APC2: variants seen among roughly 807,000 people sequenced by gnomAD.
APC2 encodes APC regulator of Wnt signaling pathway 2, also known as adenomatous polyposis coli protein 2.
In APC2, 41 loss-of-function variants were observed where a neutral mutation model predicts 72.5. That is an observed-to-expected ratio of 0.57 (90% CI 0.44 to 0.73). APC2 has a LOEUF of 0.73. APC2 is among the 30% of genes least tolerant of loss of function. The pLI is 0.00. For missense variants in APC2, 3,729 were observed against 3,403.4 expected (o/e 1.10, Z -2.38); for synonymous variants, 1,898 against 1,612.0 (o/e 1.18, Z -4.25).
chr19:1,450,755 C>T (rs1401883168), intron 1 of APC2, among the ~76,000 whole-genome samples: 1 of 152,208 alleles, frequency 6.6e-6, no homozygotes, highest in Non-Finnish European at 1.5e-5. Context: ...AGACCAGCCC[C>T]CAGTCATGGT....
chr19:1,457,956 T>G lies in APC2; in HGVS notation c.1208-9T>G, dbSNP rs750288797. The G allele has an allele frequency of 6.5e-7, 1 of 1,547,664 alleles. No individual in the cohort carries two copies. The highest frequency in any genetic ancestry group is 1.2e-5 in the South Asian group (1 of 84,114). On this transcript the variant is annotated splice_polypyrimidine_tract_variant and intron_variant, in intron 9 of 14. Transcript: ENST00000590469. ...AATGGGGGCTCTGATCTGGTCCCTGTGCCCACAGCCCCGATCCCCATCGAG... is the reference window on the plus strand; with the variant it reads ...AATGGGGGCTCTGATCTGGTCCCTGGGCCCACAGCCCCGATCCCCATCGAG...
At position 1,469,538 on chromosome 19, in the gene APC2, G is replaced by A. The variant is rs1457219848; in HGVS notation, c.6237G>A (p.Glu2079=). The change falls in exon 15 of 15, where the codon GAG becomes GAA. Residue 2079 remains glutamate, a synonymous_variant. Coordinates refer to ENST00000590469, the MANE Select transcript of APC2 (RefSeq NM_005883.3). ...GCCCTGCCCGGCGCACCACCTCCGA[G>A]AGCCCGTCCCGCCTGCCTGTGCGCG... is the stretch of plus-strand genomic sequence containing the variant. ...GERPARRTTS[E]SPSRLPVRAP... is the part of the protein sequence containing the mutation. 2 of 1,205,768 alleles carry A rather than the reference G, an allele frequency of 1.7e-6. No individual in the cohort carries two copies. The highest frequency in any genetic ancestry group is 1.2e-4 in the East Asian group (2 of 16,336). 74.7% of individuals were successfully genotyped at this position (1,205,768 alleles called of 1,614,324 possible). A position where few individuals can be genotyped will look rare whatever the true frequency, so the allele number is the denominator to read the frequency against.
Position 1,465,317 on chromosome 19 carries a change from G to A in APC2, c.2016G>A (p.Leu672=), listed in dbSNP as rs2145229579. The A allele has an allele frequency of 6.3e-7, 1 of 1,596,034 alleles. No individual in the cohort carries two copies. The highest frequency in any genetic ancestry group is 8.5e-7 in the Non-Finnish European group (1 of 1,176,678). The change falls in exon 15 of 15, where the codon CTG becomes CTA. Residue 672 remains leucine (L), a synonymous_variant. Coordinates refer to ENST00000590469, the MANE Select transcript of APC2 (RefSeq NM_005883.3). ...LLWDLGAVGM[L]RNLVHSKHKM... The stretch of plus-strand genomic sequence containing the variant: ...GGGACCTGGGCGCCGTGGGCATGCT[G>A]CGTAATCTGGTGCACTCCAAGCACA...
At chr19:1,453,762 C>T in intron 4 of APC2, 151 bp downstream of exon 4, 1 of 1,117,618 alleles carries the variant, frequency 8.9e-7, no homozygotes, top group African/African-American at 1.6e-5. Context: ...CCGAACAACC[C>T]CGCCCACCTC....
Position 1,469,460 on chromosome 19 carries a change from C to G in APC2, c.6159C>G (p.Gly2053=). The G allele has an allele frequency of 8.8e-7, 1 of 1,130,410 alleles. No homozygotes were observed. The highest frequency in any genetic ancestry group is 5.4e-5 in the East Asian group (1 of 18,660). 70.0% of individuals were successfully genotyped at this position (1,130,410 alleles called of 1,614,324 possible). ...AGCTCCGAGCGGCACCCCGGCAGGG[C>G]CCGGCCCCGGCCCGGCAGCGGCCCC... The part of the protein sequence containing the change: ...CEELRAAPRQ[G]PAPARQRPPA... Residue 2053 remains glycine, a synonymous_variant, in exon 15 of 15, where the codon GGC becomes GGG. Transcript: ENST00000590469.
upstream of APC2, among the ~76,000 whole-genome samples, chr19:1,447,494 C>T (rs1234254476): frequency 1.3e-5 from 2 of 152,110 alleles, no homozygotes; most frequent in African/African-American, 4.8e-5. Context: ...GAGCCTAGGT[C>T]GGGGTCTTGG....
At chr19:1,450,810 C>T (rs1361030385) in intron 1 of APC2, among the ~76,000 whole-genome samples, 4 of 152,138 alleles carry the variant, frequency 2.6e-5, no homozygotes, top group Admixed American at 1.3e-4. Context: ...GGAGGCTACA[C>T]GATGCAACCT....
At position 1,466,308 on chromosome 19, in the gene APC2, C is replaced by A; in HGVS notation, c.3007C>A (p.Pro1003Thr). ...GCTGTCGCCTACCTATCAGCACGTG[C>A]CACTGCTTGAGGGTGCCTCAAGGGC... ...IKLSPTYQHV[P>T]LLEGASRAGA... The change falls in exon 15 of 15, where the codon CCA (proline) becomes ACA (threonine). Residue 1003 changes from proline to threonine, a missense_variant. Pro to Thr is a conservative substitution (Grantham distance 38, BLOSUM62 -1). Transcript: ENST00000590469. 2 of 1,540,580 alleles carry A rather than the reference C, an allele frequency of 1.3e-6. No homozygotes were observed. Among genetic ancestry groups the A allele is most frequent in the South Asian group, 2.4e-5 (2 of 82,756 alleles).
At position 1,457,146 on chromosome 19, in the gene APC2, C is replaced by G. The variant is rs1179392912; in HGVS notation, c.1110C>G (p.Val370=). The G allele has an allele frequency of 1.9e-6, 3 of 1,588,534 alleles. No individual in the cohort carries two copies. Among genetic ancestry groups the G allele is most frequent in the South Asian group, 2.3e-5 (2 of 87,344 alleles). Residue 370 remains valine (V), a synonymous_variant, in exon 9 of 15, where the codon GTC becomes GTG. Transcript: ENST00000590469. ...GCCTGGCGCGCAAGGAGATGCGCGT[C>G]CTGCACGTGCTGGAGCAGATCCGGG... ...DQGLARKEMR[V]LHVLEQIRAY...
chr19:1,466,007 G>T lies in APC2; in HGVS notation c.2706G>T (p.Arg902=). 1 of 1,500,842 alleles carries T rather than the reference G, an allele frequency of 6.7e-7. No homozygotes were observed. The highest frequency in any genetic ancestry group is 8.8e-7 in the Non-Finnish European group (1 of 1,134,610). The allele number at this position is 1,500,842 out of a possible 1,614,324, so 93.0% of individuals were successfully genotyped here. A position where few individuals can be genotyped will look rare whatever the true frequency, so the allele number is the denominator to read the frequency against. The change falls in exon 15 of 15, where the codon CGG becomes CGT. Residue 902 remains arginine (R), a synonymous_variant. Transcript: ENST00000590469. ...CATGCCGCGGCCCGGAGGGCGGGCG[G>T]CGAGAGGCAGGAAGCCGGGCGCACC... The part of the protein sequence containing the change: ...CSPCRGPEGG[R]REAGSRAHPL...
chr19:1,467,288 T>G lies in APC2; in HGVS notation c.3987T>G (p.Gly1329=), dbSNP rs2145243124. The change falls in exon 15 of 15, where the codon GGT becomes GGG. Residue 1329 remains glycine, a synonymous_variant. Coordinates refer to ENST00000590469, the MANE Select transcript of APC2 (RefSeq NM_005883.3). ...GGGAGGAGGGGCCGGCGCCCACGGG[T>G]TCTCGCCCTCGCGGCGCCGCGGACC... The part of the protein sequence containing the change: ...RRREEGPAPT[G]SRPRGAADQE... 7.6e-7 allele frequency: 1 copy of G among 1,315,466 alleles called. No individual in the cohort carries two copies. Among genetic ancestry groups the G allele is most frequent in the Non-Finnish European group, 9.6e-7 (1 of 1,037,070 alleles). 81.5% of individuals were successfully genotyped at this position (1,315,466 alleles called of 1,614,324 possible). A position where few individuals can be genotyped will look rare whatever the true frequency, so the allele number is the denominator to read the frequency against.
chr19:1,470,161 A>ACTCGGCCGCGGAGAAAGC lies in APC2; in HGVS notation c.6862_6879dup (p.Ser2288_Ala2293dup), dbSNP rs2084110640. The ACTCGGCCGCGGAGAAAGC allele has an allele frequency of 9.4e-6, 15 of 1,601,174 alleles. No homozygotes were observed. Among genetic ancestry groups the ACTCGGCCGCGGAGAAAGC allele is most frequent in the Non-Finnish European group, 1.2e-5 (14 of 1,176,418 alleles). On this transcript the variant is annotated inframe_insertion, in exon 15 of 15. Transcript: ENST00000590469. ...CCCATGGTGGTCGCAGCCACCACCG[A>ACTCGGCCGCGGAGAAAGC]CTCGGCCGCGGAGAAAGCCCCGGCC...
Position 1,472,574 on chromosome 19 carries a change from A to G in APC2, c.*2361A>G, listed in dbSNP as rs111885805. 0.046 allele frequency: 6,985 copies of G among 152,080 alleles called. 187 individuals are homozygous for G. The highest frequency in any genetic ancestry group is 0.097 in the Middle Eastern group (29 of 298). 9.4% of individuals were successfully genotyped at this position (152,080 alleles called of 1,614,324 possible). On this transcript the variant is annotated 3_prime_UTR_variant, in exon 15 of 15. Coordinates refer to ENST00000590469, the MANE Select transcript of APC2 (RefSeq NM_005883.3). ...CTTGCCCAGCAGCAAGGTGCGCAAC[A>G]TGGCTGCCAGCCCCGCCTCCCACCC...
At position 1,465,938 on chromosome 19, in the gene APC2, G is replaced by A; in HGVS notation, c.2637G>A (p.Pro879=). The A allele has an allele frequency of 1.9e-6, 3 of 1,581,996 alleles. No homozygotes were observed. Among genetic ancestry groups the A allele is most frequent in the South Asian group, 2.3e-5 (2 of 88,390 alleles). ...DDSFSLSSGD[P]GQEAPREGRA... ...GCTTCAGCCTCAGCTCTGGAGACCC[G>A]GGACAGGAGGCGCCACGGGAGGGCC... is the stretch of plus-strand genomic sequence containing the variant. Residue 879 remains proline, a synonymous_variant, in exon 15 of 15, where the codon CCG becomes CCA. Transcript: ENST00000590469.
intron 10 of APC2, 139 bp downstream of exon 10, chr19:1,458,199 A>G (rs1445692987): frequency 7.9e-6 from 6 of 758,124 alleles, no homozygotes; most frequent in Non-Finnish European, 1.3e-5. Context: ...GACTCCCTGG[A>G]GTCACATAGC....
chr19:1,470,984 A>T lies in APC2; in HGVS notation c.*771A>T, dbSNP rs2084124936. ...TGCGTACGATGGGACCCTGGTGCAG[A>T]CGCCGGGCCGGCTGACATTTGGACC... On this transcript the variant is annotated 3_prime_UTR_variant, in exon 15 of 15. Coordinates refer to ENST00000590469, the MANE Select transcript of APC2 (RefSeq NM_005883.3). The T allele has an allele frequency of 6.6e-6, 1 of 152,144 alleles. No individual in the cohort carries two copies. Among genetic ancestry groups the T allele is most frequent in the Non-Finnish European group, 1.5e-5 (1 of 68,046 alleles). 9.4% of individuals were successfully genotyped at this position (152,144 alleles called of 1,614,324 possible).
chr19:1,446,867 C>T (rs2083692541), upstream of APC2, among the ~76,000 whole-genome samples: 1 of 152,234 alleles, frequency 6.6e-6, no homozygotes, highest in Non-Finnish European at 1.5e-5. This position sits in a 1 kb window ranked among gnomAD's most constrained non-coding sequence, Gnocchi z 6.1. Flanking sequence ...CTCCAGCCTC[C>T]GGAATCGTCT....
At position 1,465,158 on chromosome 19, in the gene APC2, G is replaced by C. The variant is rs1396900298; in HGVS notation, c.1857G>C (p.Gln619His). Reference protein sequence around the residue: ...SLVATREDYRQVLRDHNCLQT... With the variant: ...SLVATREDYRHVLRDHNCLQT... ...CTAACCCGCCCTGTGCCTACAGGCA[G>C]GTGCTCCGGGATCACAACTGTCTGC... is the stretch of plus-strand genomic sequence containing the variant. The change falls in exon 15 of 15, where the codon CAG becomes CAC. Residue 619 changes from glutamine (Q) to histidine (H), a missense_variant. Gln to His is a conservative substitution (Grantham distance 24, BLOSUM62 0). Coordinates refer to ENST00000590469, the MANE Select transcript of APC2 (RefSeq NM_005883.3). 2 of 1,597,652 alleles carry C rather than the reference G, an allele frequency of 1.3e-6. No individual in the cohort carries two copies.
intron 14 of APC2, among the ~76,000 whole-genome samples, chr19:1,463,442 G>A (rs935446072): frequency 2.4e-4 from 36 of 147,446 alleles, no homozygotes; most frequent in Admixed American, 9.3e-4. Context: ...AATTAACCAG[G>A]TGTGGTGGCT....
Sources: allele counts gnomAD v4.1 joint callset (sites outside exome capture counted in the v4.1 genomes callset), GRCh38; gene constraint gnomAD v4.1.1; non-coding constraint Gnocchi (gnomAD v3.1); transcripts MANE v1.5; gene names NCBI Gene and HGNC (gene_info 2026-07-23, HGNC 2026-07-21).